The following TAOK1 variants were observed in gnomAD, a reference collection of about 807,000 sequenced individuals.
TAOK1 encodes the protein serine/threonine-protein kinase TAO1.
Under a neutral mutation model 138.3 loss-of-function variants are expected in TAOK1, and 21 were observed. The observed-to-expected ratio is 0.15, with a 90% confidence interval of 0.11 to 0.22. The LOEUF is 0.22. Among genes scored for constraint, TAOK1 ranks in the 10% least tolerant of loss-of-function variants. The pLI, the probability that TAOK1 is intolerant of heterozygous loss-of-function variation, is 1.00. For synonymous variants in TAOK1, 361 were observed against 398.4 expected (o/e 0.91, Z 1.12); for missense variants, 651 against 1,227.7 (o/e 0.53, Z 7.02).
At position 29,545,282 on chromosome 17, in the gene TAOK1, TG is replaced by T; in HGVS notation, c.*2261del. 1 of 34,940 alleles carries T rather than the reference TG, an allele frequency of 2.9e-5. No homozygotes were observed. 2.2% of individuals were successfully genotyped at this position (34,940 alleles called of 1,614,324 possible). ...GAGAAATTACTTATTTGGTGTAAAATGACGAGAGAGCTTTAGAATTTAATAA... is the reference window on the plus strand; with the variant it reads ...GAGAAATTACTTATTTGGTGTAAAATACGAGAGAGCTTTAGAATTTAATAA... On this transcript the variant is annotated 3_prime_UTR_variant, in exon 20 of 20. Transcript: ENST00000261716.
intron 12 of TAOK1, 128 bp downstream of exon 12, chr17:29,498,649 G>A (rs1438211970): frequency 2.5e-5 from 26 of 1,040,104 alleles, no homozygotes; most frequent in Non-Finnish European, 3.4e-5. Context: ...TGGGCTCAGT[G>A]GCTCATGCCT....
chr17:29,523,242 A>G (rs1171561286), intron 17 of TAOK1, among the ~76,000 whole-genome samples: 1 of 152,020 alleles, frequency 6.6e-6, no homozygotes, highest in Non-Finnish European at 1.5e-5. Context: ...AAAGTGCATT[A>G]TAAAGTAAAA....
chr17:29,449,160 C>T (rs2030169820), intron 1 of TAOK1, among the ~76,000 whole-genome samples: 1 of 152,010 alleles, frequency 6.6e-6, no homozygotes, highest in Admixed American at 6.6e-5. Context: ...TCTTAAGTAA[C>T]ACTGAAGTTT....
At chr17:29,502,791 TA>T in intron 13 of TAOK1, 68 bp downstream of exon 13, 1 of 1,499,494 alleles carries the variant, frequency 6.7e-7, no homozygotes. Flanking sequence ...TAAACTCAAG[TA>T]TAGCTATATA....
chr17:29,543,180 T>TTTTACACAAG lies in TAOK1; in HGVS notation c.*159_*160insTTACACAAGT, dbSNP rs2032348344. The TTTTACACAAG allele has an allele frequency of 2.9e-6, 2 of 685,454 alleles. No individual in the cohort carries two copies. The highest frequency in any genetic ancestry group is 5.7e-5 in the East Asian group (2 of 34,972). 42.5% of individuals were successfully genotyped at this position (685,454 alleles called of 1,614,324 possible). Reference sequence around the variant, plus strand: ...TTTTGTAAAGCGTTCTGTTTTGTGTTTACTAATTGGGATGTCATAGTACTT... The same window carrying TTTTACACAAG: ...TTTTGTAAAGCGTTCTGTTTTGTGTTTTTACACAAGTACTAATTGGGATGTCATAGTACTT... On this transcript the variant is annotated 3_prime_UTR_variant, in exon 20 of 20. Coordinates refer to ENST00000261716, the MANE Select transcript of TAOK1 (RefSeq NM_020791.4).
In TAOK1 at chr17:29,491,883, T is replaced by A; in HGVS notation, c.831+18T>A. 6 of 1,561,372 alleles carry A rather than the reference T, an allele frequency of 3.8e-6. No individual in the cohort carries two copies. The highest frequency in any genetic ancestry group is 5.3e-6 in the Non-Finnish European group (6 of 1,139,450). ...TTTTAAAGGTCAGTTCTATTATAGTTTATTTATTTATTTTATTTTAAGACA... is the reference window on the plus strand; with the variant it reads ...TTTTAAAGGTCAGTTCTATTATAGTATATTTATTTATTTTATTTTAAGACA... On this transcript the variant is annotated intron_variant, in intron 10 of 19. Transcript: ENST00000261716.
intron 2 of TAOK1, among the ~76,000 whole-genome samples, chr17:29,460,158 A>G (rs555187548): frequency 8.6e-4 from 131 of 152,378 alleles, no homozygotes; most frequent in Non-Finnish European, 1.4e-3. Context: ...AAATAAAACT[A>G]TAAAATTGCA....
chr17:29,403,314 A>G (rs1426211492), intron 1 of TAOK1, among the ~76,000 whole-genome samples: 9 of 152,060 alleles, frequency 5.9e-5, no homozygotes, highest in Non-Finnish European at 2.9e-5. Flanking sequence ...ATTTATTCCC[A>G]TTGAGGCTGA....
intron 2 of TAOK1, among the ~76,000 whole-genome samples, chr17:29,464,820 G>C (rs2030619643): frequency 6.9e-6 from 1 of 145,144 alleles, no homozygotes. Flanking sequence ...AATAAGCTCT[G>C]TCTTTTTTTT....
intron 19 of TAOK1, among the ~76,000 whole-genome samples, chr17:29,541,504 A>G (rs906328304): frequency 1.1e-4 from 16 of 151,772 alleles, no homozygotes; most frequent in African/African-American, 3.4e-4. Flanking sequence ...AATTTCCCCT[A>G]TTATCTCAAA....
Position 29,549,403 on chromosome 17 carries a change from T to C in TAOK1, c.*6381T>C, listed in dbSNP as rs1462961832. 4 of 152,226 alleles carry C rather than the reference T, an allele frequency of 2.6e-5. No homozygotes were observed. The highest frequency in any genetic ancestry group is 9.6e-5 in the African/African-American group (4 of 41,470). 9.4% of individuals were successfully genotyped at this position (152,226 alleles called of 1,614,324 possible). On this transcript the variant is annotated 3_prime_UTR_variant, in exon 20 of 20. Coordinates refer to ENST00000261716, the MANE Select transcript of TAOK1 (RefSeq NM_020791.4). ...TGGTTTAGAAATGAGATACCAGTGT[T>C]AATGAAAAGTGTGTGCTCTTTGCTT...
intron 8 of TAOK1, among the ~76,000 whole-genome samples, chr17:29,489,323 C>A (rs950832416): frequency 1.3e-5 from 2 of 151,920 alleles, no homozygotes; most frequent in Non-Finnish European, 2.9e-5. Context: ...CATGGTGAAA[C>A]CCCATCTCTA....
intron 19 of TAOK1, among the ~76,000 whole-genome samples, chr17:29,539,116 GT>G (rs2032271609): frequency 1.3e-5 from 2 of 152,038 alleles, no homozygotes; most frequent in Admixed American, 1.3e-4. Context: ...ACAAAAATTA[GT>G]TGGATATAGT....
intron 8 of TAOK1, among the ~76,000 whole-genome samples, chr17:29,482,604 C>T (rs1412907928): frequency 6.6e-6 from 1 of 151,878 alleles, no homozygotes; most frequent in East Asian, 1.9e-4. Context: ...CCAGATTTAC[C>T]AGCTATAGAA....
chr17:29,428,710 A>T (rs1338451866), intron 1 of TAOK1, among the ~76,000 whole-genome samples: 2 of 151,726 alleles, frequency 1.3e-5, no homozygotes, highest in Non-Finnish European at 2.9e-5. Flanking sequence ...TGCAGCCTCT[A>T]CCTCCTGAGC....
Position 29,437,693 on chromosome 17 carries a change from T to C in TAOK1, c.-94-13762T>C, listed in dbSNP as rs368207508. Among the ~76,000 whole-genome samples the C allele has an allele frequency of 1.7e-4, 26 of 151,922 alleles. No individual in the cohort carries two copies. In the South Asian group the frequency reaches 3.1e-3, roughly 18 times the overall value. ...GCATTCTATTTCAATTCTGATAAAG[T>C]GAAGGAGTACTTATGCCTTTTGAAC... On this transcript the variant is annotated intron_variant, in intron 1 of 19. Transcript: ENST00000261716.
At chr17:29,480,527 A>G in intron 7 of TAOK1, 46 bp downstream of exon 7, 4 of 1,476,360 alleles carry the variant, frequency 2.7e-6, no homozygotes, top group East Asian at 2.3e-5. Context: ...GTGTCTGTCT[A>G]TGTTTAACAT....
At chr17:29,426,542 G>A (rs963107909) in intron 1 of TAOK1, among the ~76,000 whole-genome samples, 1 of 152,136 alleles carries the variant, frequency 6.6e-6, no homozygotes, top group Non-Finnish European at 1.5e-5. Flanking sequence ...AATATGGGAA[G>A]TATGTGTGGC....
rs2031547967 is a variant in TAOK1, at chr17:29,502,492, A to AGATT, written c.1204-89_1204-86dup. 3.7e-5 allele frequency: 49 copies of AGATT among 1,332,878 alleles called. No homozygotes were observed. The South Asian group carries it at 7.0e-4, about 19-fold the overall frequency. The allele number at this position is 1,332,878 out of a possible 1,614,324, so 82.6% of individuals were successfully genotyped here. ...TTTGCTTTTTAAAATTATGTCTTTG[A>AGATT]GATTGATTGATCAAGTTGTCTTTAA... On this transcript the variant is annotated intron_variant, in intron 12 of 19. Coordinates refer to ENST00000261716, the MANE Select transcript of TAOK1 (RefSeq NM_020791.4).
Sources: allele counts gnomAD v4.1 joint callset (sites outside exome capture counted in the v4.1 genomes callset), GRCh38; gene constraint gnomAD v4.1.1; transcripts MANE v1.5; gene names NCBI Gene and HGNC (gene_info 2026-07-23, HGNC 2026-07-21).